Variants in RSU1 observed in about 807,000 individuals in gnomAD.
RSU1 encodes the protein rsu-1.
RSU1 carries 26 observed loss-of-function variants against 31.1 expected under a neutral mutation model. That is an observed-to-expected ratio of 0.84 (90% CI 0.61 to 1.16). The LOEUF is 1.16. RSU1 is among the 50% of genes most tolerant of loss of function. The pLI, the probability that RSU1 is intolerant of heterozygous loss-of-function variation, is 0.00. For synonymous variants in RSU1, 164 were observed against 136.3 expected, an observed-to-expected ratio of 1.20 and a Z score of -1.41; for missense variants, 320 against 339.1, an observed-to-expected ratio of 0.94 and a Z score of 0.44.
At chr10:16,808,374 C>T (rs1838321882) in intron 2 of RSU1, among the ~76,000 whole-genome samples, 1 of 150,870 alleles carries the variant, frequency 6.6e-6, no homozygotes, top group Non-Finnish European at 1.5e-5. Context: ...ATCCCAGCTA[C>T]TTGGAAGCCT....
intron 8 of RSU1, among the ~76,000 whole-genome samples, chr10:16,612,676 T>G (rs1211819627): frequency 6.6e-6 from 1 of 152,210 alleles, no homozygotes; most frequent in African/African-American, 2.4e-5. Context: ...AGCTACACTC[T>G]CTGTTATTTT....
At chr10:16,646,149 G>C (rs1280353870) in intron 8 of RSU1, among the ~76,000 whole-genome samples, 1 of 150,552 alleles carries the variant, frequency 6.6e-6, no homozygotes, top group African/African-American at 2.5e-5. Flanking sequence ...GCAACAGCAA[G>C]AAAGCAGTTT....
chr10:16,781,428 A>G (rs1348896981), intron 3 of RSU1, among the ~76,000 whole-genome samples: 1 of 152,216 alleles, frequency 6.6e-6, no homozygotes, highest in Non-Finnish European at 1.5e-5. Context: ...CATGTATACA[A>G]TTTTGCATCT....
intron 7 of RSU1, among the ~76,000 whole-genome samples, chr10:16,744,276 A>G (rs1200808911): frequency 6.6e-6 from 1 of 152,226 alleles, no homozygotes; most frequent in Admixed American, 6.5e-5. Context: ...TATGTTAAAC[A>G]TGAAATAAAT....
intron 8 of RSU1, among the ~76,000 whole-genome samples, chr10:16,599,801 C>T (rs996558703): frequency 5.9e-5 from 9 of 152,176 alleles, no homozygotes; most frequent in African/African-American, 1.4e-4. Context: ...TCGTGCTGCC[C>T]GGAATCTGCA....
chr10:16,657,537 A>AT (rs1249200898), intron 8 of RSU1, among the ~76,000 whole-genome samples: 1 of 151,754 alleles, frequency 6.6e-6, no homozygotes, highest in Admixed American at 6.6e-5. Context: ...TAGAAAAAAA[A>AT]AAAAGCAATT....
At chr10:16,671,579 ACTGGGACTACATGCGCATACCACCACAC>A (rs1835105186) in intron 8 of RSU1, among the ~76,000 whole-genome samples, 1 of 151,900 alleles carries the variant, frequency 6.6e-6, no homozygotes, top group South Asian at 2.1e-4. Context: ...TTCCCAAGTA[ACTGGGACTACATGCGCATACCACCACAC>A]CTGACTCAAA....
chr10:16,642,160 T>A (rs1042237501), intron 8 of RSU1, among the ~76,000 whole-genome samples: 3 of 152,106 alleles, frequency 2.0e-5, no homozygotes, highest in Non-Finnish European at 2.9e-5. Context: ...CATCACCTGA[T>A]AGAGAGGAAT....
At chr10:16,613,899 G>C (rs1234488189) in intron 8 of RSU1, among the ~76,000 whole-genome samples, 1 of 152,060 alleles carries the variant, frequency 6.6e-6, no homozygotes, top group African/African-American at 2.4e-5. Flanking sequence ...AAGATCACAT[G>C]TGTGTAAAAA....
chr10:16,768,536 T>C (rs1368125231), intron 3 of RSU1, among the ~76,000 whole-genome samples: 1 of 152,130 alleles, frequency 6.6e-6, no homozygotes, highest in Non-Finnish European at 1.5e-5. Context: ...CCCATTTCGC[T>C]CTAGCCACAG....
intron 8 of RSU1, among the ~76,000 whole-genome samples, chr10:16,614,372 T>C (rs576939235): frequency 1.3e-5 from 2 of 151,360 alleles, no homozygotes; most frequent in South Asian, 2.1e-4. Context: ...GAAGGGGTAG[T>C]AGGGGGCTGG....
At chr10:16,593,611 A>C in intron 8 of RSU1, 115 bp from the exon 9 acceptor site, 1 of 798,198 alleles carries the variant, frequency 1.3e-6, no homozygotes, top group Non-Finnish European at 2.1e-6. Flanking sequence ...AAGCCAAAGA[A>C]AACCAAAAGA....
chr10:16,809,476 C>A (rs1838354961), intron 2 of RSU1, among the ~76,000 whole-genome samples: 4 of 152,170 alleles, frequency 2.6e-5, no homozygotes, highest in African/African-American at 9.7e-5. Flanking sequence ...CTGTGTCCAG[C>A]CTCCCAGGGA....
chr10:16,786,864 G>A (rs1234100752), intron 2 of RSU1, among the ~76,000 whole-genome samples: 3 of 152,198 alleles, frequency 2.0e-5, no homozygotes, highest in Admixed American at 1.3e-4. Flanking sequence ...GTGCTCATCT[G>A]CAAGGACACC....
intron 2 of RSU1, among the ~76,000 whole-genome samples, chr10:16,784,817 C>G (rs554465810): frequency 2.0e-5 from 3 of 152,242 alleles, no homozygotes; most frequent in Non-Finnish European, 2.9e-5. Flanking sequence ...CAGTTACCTA[C>G]CAGGTCCGTC....
chr10:16,667,177 A>T (rs1835010022), intron 8 of RSU1, among the ~76,000 whole-genome samples: 1 of 152,222 alleles, frequency 6.6e-6, no homozygotes, highest in Admixed American at 6.5e-5. Flanking sequence ...GCTGTCTGTT[A>T]GTTAATCTGA....
intron 8 of RSU1, among the ~76,000 whole-genome samples, chr10:16,690,738 T>C (rs74740092): frequency 0.011 from 1,681 of 152,300 alleles, 52 homozygotes; most frequent in East Asian, 0.11. Flanking sequence ...ACGCCGATCA[T>C]AGACATGAAT....
At chr10:16,795,715 T>G (rs954309173) in intron 2 of RSU1, among the ~76,000 whole-genome samples, 3 of 152,230 alleles carry the variant, frequency 2.0e-5, no homozygotes, top group Non-Finnish European at 4.4e-5. Flanking sequence ...TTTTATGATG[T>G]TCAAAAGACA....
At chr10:16,626,781 C>T (rs191857168) in intron 8 of RSU1, among the ~76,000 whole-genome samples, 3 of 152,216 alleles carry the variant, frequency 2.0e-5, no homozygotes, top group South Asian at 2.1e-4. Flanking sequence ...AGTTCATGAT[C>T]GATCTCATGT....
Sources: gnomAD v4.1 joint callset for allele counts (sites outside exome capture counted in the v4.1 genomes callset) on GRCh38, gnomAD v4.1.1 for gene constraint, MANE v1.5 for transcripts, NCBI Gene and HGNC (gene_info 2026-07-23, HGNC 2026-07-21) for gene names.